Variants in BHLHE40 observed in about 807,000 individuals in gnomAD.
BHLHE40 encodes basic helix-loop-helix family member e40.
A neutral mutation model predicts 35.7 loss-of-function variants in BHLHE40; 3 were observed. The observed-to-expected ratio is 0.08, with a 90% CI of 0.04 to 0.22. The LOEUF (loss-of-function observed/expected upper bound fraction) is 0.22, where lower values mean the gene tolerates loss of function less well. BHLHE40 is among the 10% of genes least tolerant of loss of function. The pLI, the probability that BHLHE40 is intolerant of heterozygous loss-of-function variation, is 1.00. For missense variants in BHLHE40, 486 were observed against 524.0 expected (o/e 0.93, Z 0.71); for synonymous variants, 236 against 213.0 (o/e 1.11, Z -0.94).
intron 4 of BHLHE40, among the ~76,000 whole-genome samples, chr3:4,982,211 C>G (rs143424953): frequency 6.6e-6 from 1 of 152,210 alleles, no homozygotes; most frequent in Non-Finnish European, 1.5e-5. Context: ...TGCAAAAACC[C>G]AGCTAGTGCT....
intron 4 of BHLHE40, 116 bp downstream of exon 4, chr3:4,981,631 T>C (rs1003860164): frequency 3.5e-5 from 47 of 1,325,302 alleles, no homozygotes; most frequent in Non-Finnish European, 4.4e-5. Context: ...TGCACGTTCA[T>C]TGGGGGAGAT....
rs2053222335 is a variant in BHLHE40, at chr3:4,983,749, AC to A, written c.*58del. On this transcript the variant is annotated 3_prime_UTR_variant, in exon 5 of 5. Coordinates refer to ENST00000256495, the MANE Select transcript of BHLHE40 (RefSeq NM_003670.3). This position sits in a 1 kb window ranked among gnomAD's most constrained non-coding sequence, Gnocchi z 5.0. ...CTTCCTCGCTACTTCCTAAAAAGCA[AC>A]AAAAAAGTTTTTGTGAATGCTGCAA... 2.6e-6 allele frequency: 4 copies of A among 1,522,162 alleles called. No individual in the cohort carries two copies. In the South Asian group the frequency reaches 3.9e-5, roughly 15 times the overall value. 94.3% of individuals were successfully genotyped at this position (1,522,162 alleles called of 1,614,324 possible).
At position 4,983,227 on chromosome 3, in the gene BHLHE40, G is replaced by A. The variant is rs750503013; in HGVS notation, c.774G>A (p.Gln258=). The change falls in exon 5 of 5, where the codon CAG becomes CAA. Residue 258 remains glutamine (Q), a synonymous_variant. Coordinates refer to ENST00000256495, the MANE Select transcript of BHLHE40 (RefSeq NM_003670.3). The surrounding 1 kb of genome is among the most constrained non-coding windows in gnomAD (Gnocchi z 5.0). The stretch of plus-strand genomic sequence containing the variant: ...AGAAGGGCGACTTGCGCAGTGAGCA[G>A]CCGTGCTTCAAAAGTGACCACGGAC... ...ESEKGDLRSE[Q]PCFKSDHGRR... 6.2e-6 allele frequency: 10 copies of A among 1,614,242 alleles called. No homozygotes were observed. Among genetic ancestry groups the A allele is most frequent in the Admixed American group, 1.7e-5 (1 of 60,032 alleles).
rs568458417 is a variant in BHLHE40 at position 4,982,713 on chromosome 3, C to A, written c.383-123C>A. The A allele has an allele frequency of 1.9e-5, 24 of 1,261,354 alleles. No homozygotes were observed. In the South Asian group the frequency reaches 3.1e-4, roughly 16 times the overall value. The allele number at this position is 1,261,354 out of a possible 1,614,324, so 78.1% of individuals were successfully genotyped here. ...AGCATACTACTTTTGGAGTTAGGAACACAAATCAGTAAATGCATTTTTTTT... is the reference window on the plus strand; with the variant it reads ...AGCATACTACTTTTGGAGTTAGGAAAACAAATCAGTAAATGCATTTTTTTT... On this transcript the variant is annotated intron_variant, in intron 4 of 4. Coordinates refer to ENST00000256495, the MANE Select transcript of BHLHE40 (RefSeq NM_003670.3).
chr3:4,980,077 G>A, intron 2 of BHLHE40, 46 bp downstream of exon 2: 1 of 1,600,680 alleles, frequency 6.2e-7, no homozygotes, highest in Non-Finnish European at 8.6e-7. Context: ...CCCCTCGCGC[G>A]CGCTGAGTTT....
chr3:4,983,249 G>A lies in BHLHE40; in HGVS notation c.796G>A (p.Gly266Arg), dbSNP rs2053215564. 4.3e-6 allele frequency: 7 copies of A among 1,614,198 alleles called. No homozygotes were observed. Among genetic ancestry groups the A allele is most frequent in the East Asian group, 2.2e-5 (1 of 44,880 alleles). The change falls in exon 5 of 5, where the codon GGA (glycine) becomes AGA (arginine). Residue 266 changes from glycine (G) to arginine (R), a missense_variant. Transcript: ENST00000256495. The surrounding 1 kb of genome is among the most constrained non-coding windows in gnomAD (Gnocchi z 5.0). ...GCAGCCGTGCTTCAAAAGTGACCAC[G>A]GACGCAGGTTCACGATGGGAGAAAG... Reference protein sequence around the residue: ...SEQPCFKSDHGRRFTMGERIG... With the variant: ...SEQPCFKSDHRRRFTMGERIG...
In BHLHE40 at chr3:4,979,651, G is replaced by C. The variant is rs2053171356; in HGVS notation, c.-68G>C. Reference sequence around the variant, plus strand: ...GGAGAGACCCCCGAAGCCCTCTCCAGGGCAGTCCTCATCCAGACGCTCCGC... The same window carrying C: ...GGAGAGACCCCCGAAGCCCTCTCCACGGCAGTCCTCATCCAGACGCTCCGC... On this transcript the variant is annotated 5_prime_UTR_variant, in exon 1 of 5. Coordinates refer to ENST00000256495, the MANE Select transcript of BHLHE40 (RefSeq NM_003670.3). 1.3e-5 allele frequency: 20 copies of C among 1,515,046 alleles called. 1 individual carries two copies. The South Asian group carries it at 2.3e-4, about 17-fold the overall frequency. The allele number at this position is 1,515,046 out of a possible 1,614,324, so 93.9% of individuals were successfully genotyped here. A position where few individuals can be genotyped will look rare whatever the true frequency, so the allele number is the denominator to read the frequency against.
In BHLHE40 at chr3:4,984,091, G is replaced by C. The variant is rs1161619976; in HGVS notation, c.*399G>C. ...ACTCTTCAGTTTGGGAGCTGGGTCTGTGGCTTTGATCAGAAGGTACTTTCA... is the reference window on the plus strand; with the variant it reads ...ACTCTTCAGTTTGGGAGCTGGGTCTCTGGCTTTGATCAGAAGGTACTTTCA... On this transcript the variant is annotated 3_prime_UTR_variant, in exon 5 of 5. Transcript: ENST00000256495. 1 of 169,490 alleles carries C rather than the reference G, an allele frequency of 5.9e-6. No homozygotes were observed. The highest frequency in any genetic ancestry group is 2.4e-5 in the African/African-American group (1 of 41,860). The allele number at this position is 169,490 out of a possible 1,614,324, so 10.5% of individuals were successfully genotyped here.
rs1170871900 is a variant in BHLHE40 at position 4,979,959 on chromosome 3, C to T, written c.81-3C>T. 14 of 1,614,142 alleles carry T rather than the reference C, an allele frequency of 8.7e-6. No homozygotes were observed. The highest frequency in any genetic ancestry group is 1.1e-5 in the Non-Finnish European group (13 of 1,179,988). ...CGACCCTTCCTGGTCTCTCTTCCTG[C>T]AGGATGTACCCTGCCCACATGTACC... is the stretch of plus-strand genomic sequence containing the variant. On this transcript the variant is annotated splice_region_variant and splice_polypyrimidine_tract_variant and intron_variant, in intron 1 of 4. Coordinates refer to ENST00000256495, the MANE Select transcript of BHLHE40 (RefSeq NM_003670.3).
At chr3:4,982,730 A>T (rs1368732264) in intron 4 of BHLHE40, 106 bp from the exon 5 acceptor site, 2 of 1,090,696 alleles carry the variant, frequency 1.8e-6, no homozygotes, top group Non-Finnish European at 2.6e-6. Context: ...CAGTAAATGC[A>T]TTTTTTTTTT....
In BHLHE40 at chr3:4,979,503, G is replaced by C. The variant is rs895009751; in HGVS notation, c.-216G>C. On this transcript the variant is annotated 5_prime_UTR_variant, in exon 1 of 5. Transcript: ENST00000256495. The stretch of plus-strand genomic sequence containing the variant: ...CACACACCGCCAGTCTGTGCGCTGA[G>C]TCGGAGCCAGAGGCCGCGGGGACAC... 3 of 603,124 alleles carry C rather than the reference G, an allele frequency of 5.0e-6. No individual in the cohort carries two copies. Among genetic ancestry groups the C allele is most frequent in the Non-Finnish European group, 5.9e-6 (2 of 340,624 alleles). 37.4% of individuals were successfully genotyped at this position (603,124 alleles called of 1,614,324 possible).
At chr3:4,980,205 A>G in intron 2 of BHLHE40, 96 bp from the exon 3 acceptor site, 2 of 1,225,146 alleles carry the variant, frequency 1.6e-6, no homozygotes, top group Non-Finnish European at 2.4e-6. Flanking sequence ...CTACTCTGCT[A>G]CTCTGCTCCT....
chr3:4,980,558 TC>T, intron 3 of BHLHE40, 150 bp downstream of exon 3: 1 of 623,382 alleles, frequency 1.6e-6, no homozygotes, highest in Admixed American at 2.9e-5. Flanking sequence ...TCCTCCACAG[TC>T]CTGGCGTTTT....
Position 4,983,660 on chromosome 3 carries a change from A to G in BHLHE40, c.1207A>G (p.Ile403Val). ...TGTCTTGCTCCAAGCTCTGAAGCCA[A>G]TCCCCCCTTTAAACTTAGAAACCAA... ...SSVLLQALKPIPPLNLETKD is the reference protein window; with the variant it reads ...SSVLLQALKPVPPLNLETKD Residue 403 changes from isoleucine (I) to valine (V), a missense_variant, in exon 5 of 5, where the codon ATC (isoleucine) becomes GTC (valine). Ile to Val is a conservative substitution (Grantham distance 29). Coordinates refer to ENST00000256495, the MANE Select transcript of BHLHE40 (RefSeq NM_003670.3). This position sits in a 1 kb window ranked among gnomAD's most constrained non-coding sequence, Gnocchi z 5.0. 6.2e-7 allele frequency: 1 copy of G among 1,612,682 alleles called. No homozygotes were observed. The highest frequency in any genetic ancestry group is 1.1e-5 in the South Asian group (1 of 91,026).
chr3:4,982,023 G>A (rs771153448), intron 4 of BHLHE40, among the ~76,000 whole-genome samples: 2 of 152,190 alleles, frequency 1.3e-5, no homozygotes, highest in Non-Finnish European at 2.9e-5. Context: ...ACAATCTAGC[G>A]AAACCACTGA....
chr3:4,983,829 GGTGTGTGT>G lies in BHLHE40; in HGVS notation c.*156_*163del, dbSNP rs56076357. 19 of 698,690 alleles carry G rather than the reference GGTGTGTGT, an allele frequency of 2.7e-5. No homozygotes were observed. Among genetic ancestry groups the G allele is most frequent in the African/African-American group, 1.3e-4 (7 of 55,298 alleles). The allele number at this position is 698,690 out of a possible 1,614,324, so 43.3% of individuals were successfully genotyped here. On this transcript the variant is annotated 3_prime_UTR_variant, in exon 5 of 5. Coordinates refer to ENST00000256495, the MANE Select transcript of BHLHE40 (RefSeq NM_003670.3). The surrounding 1 kb of genome is among the most constrained non-coding windows in gnomAD (Gnocchi z 5.0). ...TCTGAGGCATGGAGAGCAGATTCAG[GGTGTGTGT>G]GTGTGTGTGTGTGTGTGTATGTGCG...
At chr3:4,980,273 G>T (rs2053180592) in intron 2 of BHLHE40, 28 bp from the exon 3 acceptor site, 2 of 1,594,976 alleles carry the variant, frequency 1.3e-6, no homozygotes, top group African/African-American at 1.3e-5. Flanking sequence ...TTCCCCAAGC[G>T]CCCACCGCCT....
intron 1 of BHLHE40, 77 bp from the exon 2 acceptor site, chr3:4,979,885 C>A (rs755254946): frequency 1.8e-5 from 29 of 1,607,628 alleles, no homozygotes; most frequent in Non-Finnish European, 2.4e-5. Context: ...CCGGGCGCAC[C>A]GGGAGGTTCT....
chr3:4,983,442 C>T lies in BHLHE40; in HGVS notation c.989C>T (p.Pro330Leu), dbSNP rs745939746. 3 of 1,614,222 alleles carry T rather than the reference C, an allele frequency of 1.9e-6. No individual in the cohort carries two copies. Among genetic ancestry groups the T allele is most frequent in the Non-Finnish European group, 2.5e-6 (3 of 1,180,052 alleles). Residue 330 changes from proline to leucine, a missense_variant, in exon 5 of 5, where the codon CCT becomes CTT. Around this residue, in one of 5 missense-constraint regions of BHLHE40, gnomAD observed 206 missense variants for 208.9 expected, o/e 0.99. Transcript: ENST00000256495. This position sits in a 1 kb window ranked among gnomAD's most constrained non-coding sequence, Gnocchi z 5.0. ...PFCLPFYLIP[P>L]SATAYLPMLE... ...TGCCTGCCCTTCTACCTGATCCCAC[C>T]TTCAGCGACTGCCTACCTGCCCATG...
Sources: gnomAD v4.1 joint callset for allele counts (sites outside exome capture counted in the v4.1 genomes callset) on GRCh38, gnomAD v4.1.1 for gene constraint, gnomAD v4.1.1 regional missense constraint, Gnocchi (gnomAD v3.1) non-coding constraint, MANE v1.5 for transcripts, NCBI Gene and HGNC (gene_info 2026-07-23, HGNC 2026-07-21) for gene names.